The following BRWD1 variants were observed in gnomAD, a reference collection of about 807,000 sequenced individuals.
The protein encoded by BRWD1 is bromodomain and WD repeat-containing protein 1.
Under a neutral mutation model 251.2 loss-of-function variants are expected in BRWD1, and 82 were observed. That is an observed-to-expected ratio of 0.33 (90% CI 0.27 to 0.39). BRWD1 has a LOEUF of 0.39. Ranked by LOEUF, BRWD1 falls within the 10% of genes least tolerant of loss-of-function variation. BRWD1 has a pLI of 1.00. For missense variants in BRWD1, 2,233 were observed against 2,711.6 expected (o/e 0.82, Z 3.92); for synonymous variants, 918 against 902.8 (o/e 1.02, Z -0.30).
At chr21:39,313,344 A>C in intron 1 of BRWD1, 45 bp from the exon 2 acceptor site, 5 of 1,420,224 alleles carry the variant, frequency 3.5e-6, no homozygotes, top group Non-Finnish European at 4.7e-6. Flanking sequence ...CGGGGAGGGG[A>C]GGGGGACGGG....
upstream of BRWD1, chr21:39,314,411 C>T (rs1457852932): frequency 4.5e-6 from 2 of 442,382 alleles, no homozygotes; most frequent in Admixed American, 2.4e-5. Context: ...TGGATCCATC[C>T]AAGCATGGAC....
chr21:39,260,870 G>A (rs117439337), intron 17 of BRWD1, among the ~76,000 whole-genome samples: 3,442 of 152,276 alleles, frequency 0.023, 67 homozygotes, highest in Non-Finnish European at 0.034. Flanking sequence ...AGAGGAGAGT[G>A]AACTGCACAC....
intron 4 of BRWD1, 57 bp downstream of exon 4, chr21:39,312,784 G>A (rs1219685243): frequency 2.8e-6 from 4 of 1,442,352 alleles, no homozygotes; most frequent in Non-Finnish European, 3.8e-6. Context: ...AGGGGAAGGG[G>A]CGGGGGCGGG....
At position 39,188,631 on chromosome 21, in the gene BRWD1, A is replaced by G. The variant is rs970442681; in HGVS notation, c.*7628T>C. On this transcript the variant is annotated 3_prime_UTR_variant, in exon 41 of 41. Transcript: ENST00000342449. The stretch of plus-strand genomic sequence containing the variant: ...CTTCTGTGGACTGACATGTTCATAC[A>G]GCTAGACTAATGAGGCAGGCCTCTG... 118 of 985,332 alleles carry G rather than the reference A, an allele frequency of 1.2e-4. No homozygotes were observed. Among genetic ancestry groups the G allele is most frequent in the Non-Finnish European group, 1.4e-4 (116 of 829,946 alleles). 61.0% of individuals were successfully genotyped at this position (985,332 alleles called of 1,614,324 possible). A position where few individuals can be genotyped will look rare whatever the true frequency, so the allele number is the denominator to read the frequency against.
At position 39,250,836 on chromosome 21, in the gene BRWD1, A is replaced by G. The variant is rs1315844361; in HGVS notation, c.2309T>C (p.Ile770Thr). The change falls in exon 20 of 41, where the codon ATA becomes ACA. Residue 770 changes from isoleucine (I) to threonine (T), a missense_variant. This residue lies in a region of BRWD1 where 214 missense variants were observed against 222.0 expected (regional missense o/e 0.96). Transcript: ENST00000342449. ...EKGEEERNLY[I>T]IGRKRKTLQL... ...AAGAGTCTTTCTTTTTCTTCCTATTATATAAAGATTTCTTTCCTCTTCACC... is the reference window on the plus strand; with the variant it reads ...AAGAGTCTTTCTTTTTCTTCCTATTGTATAAAGATTTCTTTCCTCTTCACC... The G allele has an allele frequency of 2.5e-6, 4 of 1,600,276 alleles. No individual in the cohort carries two copies. The highest frequency in any genetic ancestry group is 2.7e-5 in the African/African-American group (2 of 74,208).
At chr21:39,300,372 G>A (rs1411414408) in intron 4 of BRWD1, among the ~76,000 whole-genome samples, 1 of 152,150 alleles carries the variant, frequency 6.6e-6, no homozygotes, top group Non-Finnish European at 1.5e-5. Flanking sequence ...CTAAAAAGTT[G>A]GCAGTCAGGT....
Position 39,193,027 on chromosome 21 carries a change from T to C in BRWD1, c.*3232A>G, listed in dbSNP as rs1433173112. Reference sequence around the variant, plus strand: ...GAGGTCATAACGAGTGCAAAGGGCTTAGTGATGCATCTTATTCTTTACTTT... The same window carrying C: ...GAGGTCATAACGAGTGCAAAGGGCTCAGTGATGCATCTTATTCTTTACTTT... On this transcript the variant is annotated 3_prime_UTR_variant, in exon 41 of 41. Coordinates refer to ENST00000342449, the MANE Select transcript of BRWD1 (RefSeq NM_033656.4). 6 of 985,054 alleles carry C rather than the reference T, an allele frequency of 6.1e-6. No individual in the cohort carries two copies. Among genetic ancestry groups the C allele is most frequent in the African/African-American group, 1.7e-5 (1 of 57,214 alleles). 61.0% of individuals were successfully genotyped at this position (985,054 alleles called of 1,614,324 possible). A position where few individuals can be genotyped will look rare whatever the true frequency, so the allele number is the denominator to read the frequency against.
At chr21:39,248,641 CAAAAAAAA>C (rs375430016) in intron 20 of BRWD1, among the ~76,000 whole-genome samples, 1,586 of 83,286 alleles carry the variant, frequency 0.019, 178 homozygotes, top group African/African-American at 0.078. Flanking sequence ...CCCTATCTCC[CAAAAAAAA>C]AAAAAAAAAA....
intron 19 of BRWD1, among the ~76,000 whole-genome samples, 187 bp downstream of exon 19, chr21:39,255,458 A>T (rs371224039): frequency 3.3e-5 from 5 of 152,256 alleles, no homozygotes; most frequent in Admixed American, 6.5e-5. Context: ...AAAACCTTTA[A>T]TGTAGTAAAA....
At position 39,189,993 on chromosome 21, in the gene BRWD1, G is replaced by C. The variant is rs898012609; in HGVS notation, c.*6266C>G. The C allele has an allele frequency of 1.5e-5, 15 of 985,338 alleles. No individual in the cohort carries two copies. The highest frequency in any genetic ancestry group is 1.0e-4 in the African/African-American group (6 of 57,336). 61.0% of individuals were successfully genotyped at this position (985,338 alleles called of 1,614,324 possible). On this transcript the variant is annotated 3_prime_UTR_variant, in exon 41 of 41. Coordinates refer to ENST00000342449, the MANE Select transcript of BRWD1 (RefSeq NM_033656.4). ...TGAGTGCTTGAGGACTTGTTTTCCT[G>C]GAAGTGATTCCCTACTTGGGTATGG... is the stretch of plus-strand genomic sequence containing the variant.
chr21:39,223,187 G>A (rs2033247404), intron 29 of BRWD1, among the ~76,000 whole-genome samples: 1 of 152,270 alleles, frequency 6.6e-6, no homozygotes, highest in Non-Finnish European at 1.5e-5. Flanking sequence ...ATAATTTCCT[G>A]ATTTTGATCA....
intron 21 of BRWD1, among the ~76,000 whole-genome samples, chr21:39,246,871 A>G (rs1478005358): frequency 6.6e-6 from 1 of 152,164 alleles, no homozygotes; most frequent in African/African-American, 2.4e-5. Flanking sequence ...TCACAAGGTC[A>G]AGAGATCCAG....
intron 31 of BRWD1, among the ~76,000 whole-genome samples, chr21:39,216,421 T>C (rs1338172191): frequency 1.3e-5 from 2 of 152,200 alleles, no homozygotes; most frequent in African/African-American, 4.8e-5. Flanking sequence ...TTACTAAAGA[T>C]TGAGGGTTGA....
At chr21:39,276,256 T>C (rs2035278147) in intron 11 of BRWD1, 43 bp from the exon 12 acceptor site, 1 of 1,531,750 alleles carries the variant, frequency 6.5e-7, no homozygotes, top group Non-Finnish European at 8.9e-7. Context: ...ATCATCTACA[T>C]GGTCTGTGAA....
chr21:39,213,390 A>G lies in BRWD1; in HGVS notation c.3858+91T>C, dbSNP rs550579096. On this transcript the variant is annotated intron_variant, in intron 33 of 40. Coordinates refer to ENST00000342449, the MANE Select transcript of BRWD1 (RefSeq NM_033656.4). Reference sequence around the variant, plus strand: ...CCTATTTGTTCATTGGACTACTACAAGAGTTGGTACTACAAAGCCAACATT... The same window carrying G: ...CCTATTTGTTCATTGGACTACTACAGGAGTTGGTACTACAAAGCCAACATT... The G allele has an allele frequency of 1.2e-4, 116 of 1,003,906 alleles. No individual in the cohort carries two copies. In the African/African-American group the frequency reaches 1.6e-3, roughly 14 times the overall value. 62.2% of individuals were successfully genotyped at this position (1,003,906 alleles called of 1,614,324 possible). A position where few individuals can be genotyped will look rare whatever the true frequency, so the allele number is the denominator to read the frequency against.
At position 39,188,487 on chromosome 21, in the gene BRWD1, CTA is replaced by C. The variant is rs1474387477; in HGVS notation, c.*7770_*7771del. The C allele has an allele frequency of 6.1e-6, 6 of 985,274 alleles. No individual in the cohort carries two copies. In the African/African-American group the frequency reaches 8.7e-5, roughly 14 times the overall value. The allele number at this position is 985,274 out of a possible 1,614,324, so 61.0% of individuals were successfully genotyped here. A position where few individuals can be genotyped will look rare whatever the true frequency, so the allele number is the denominator to read the frequency against. ...TTTAGTCAGATACTATCAAGTAACA[CTA>C]TTATTCTGTAGCAATGAAACCACCA... On this transcript the variant is annotated 3_prime_UTR_variant, in exon 41 of 41. Coordinates refer to ENST00000342449, the MANE Select transcript of BRWD1 (RefSeq NM_033656.4).
At chr21:39,245,474 T>C (rs2146594403) in intron 21 of BRWD1, among the ~76,000 whole-genome samples, 1 of 152,316 alleles carries the variant, frequency 6.6e-6, no homozygotes, top group Non-Finnish European at 1.5e-5. Flanking sequence ...ACCCCATGCT[T>C]AATTATTAAC....
chr21:39,281,568 G>A (rs998390750), intron 8 of BRWD1, among the ~76,000 whole-genome samples: 3 of 152,152 alleles, frequency 2.0e-5, no homozygotes, highest in Non-Finnish European at 2.9e-5. Context: ...GATGACACAC[G>A]GCTGTGATCC....
chr21:39,301,902 A>G (rs527633254), intron 4 of BRWD1, among the ~76,000 whole-genome samples: 102 of 151,812 alleles, frequency 6.7e-4, no homozygotes, highest in African/African-American at 2.3e-3. Context: ...CGAAAAAAAA[A>G]AAAAAAGGAC....
Sources: gnomAD v4.1 joint callset for allele counts (sites outside exome capture counted in the v4.1 genomes callset) on GRCh38, gnomAD v4.1.1 for gene constraint, gnomAD v4.1.1 regional missense constraint, MANE v1.5 for transcripts, NCBI Gene and HGNC (gene_info 2026-07-23, HGNC 2026-07-21) for gene names.